USO1: variants seen among roughly 807,000 people sequenced by gnomAD.
USO1 encodes USO1 vesicle transport factor, also known as general vesicular transport factor p115.
Under a neutral mutation model 124.5 loss-of-function variants are expected in USO1, and 57 were observed. The observed-to-expected ratio is 0.46, with a 90% confidence interval of 0.37 to 0.57. The LOEUF (loss-of-function observed/expected upper bound fraction) is 0.57. Among genes scored for constraint, USO1 ranks in the 20% least tolerant of loss-of-function variants. The pLI is 0.00. For synonymous variants in USO1, 369 were observed against 362.8 expected (o/e 1.02, Z -0.19); for missense variants, 900 against 1,040.6 (o/e 0.86, Z 1.86).
intron 7 of USO1, among the ~76,000 whole-genome samples, 199 bp downstream of exon 7, chr4:75,771,336 G>A (rs532615796): frequency 5.3e-5 from 8 of 152,266 alleles, no homozygotes; most frequent in East Asian, 1.9e-4. Context: ...CTGGGCTCAA[G>A]CAATCCTCCT....
At chr4:75,795,338 TGATAA>T in intron 13 of USO1, 1 of 702,470 alleles carries the variant, frequency 1.4e-6, no homozygotes, top group Non-Finnish European at 2.6e-6. Flanking sequence ...ATTTGCAGGG[TGATAA>T]GATCGACAGA....
At chr4:75,729,633 G>A (rs546141890) in intron 1 of USO1, among the ~76,000 whole-genome samples, 47 of 152,176 alleles carry the variant, frequency 3.1e-4, no homozygotes, top group African/African-American at 1.1e-3. Flanking sequence ...GAGCCACTGC[G>A]CCCAGCCCCC....
At chr4:75,734,837 T>C (rs1322702389) in intron 1 of USO1, among the ~76,000 whole-genome samples, 1 of 149,826 alleles carries the variant, frequency 6.7e-6, no homozygotes, top group Non-Finnish European at 1.5e-5. Context: ...CAAGTGATTC[T>C]CCTGCCTCAG....
intron 8 of USO1, 100 bp from the exon 9 acceptor site, chr4:75,782,580 A>C: frequency 2.8e-6 from 4 of 1,420,450 alleles, no homozygotes; most frequent in Non-Finnish European, 2.8e-6. Flanking sequence ...GCCATATTGA[A>C]GAGATGCTGA....
chr4:75,778,374 G>C (rs11097113), intron 8 of USO1, among the ~76,000 whole-genome samples: 80,069 of 152,028 alleles, frequency 0.53, 23,095 homozygotes, highest in East Asian at 0.81. Context: ...ATTAAGTAAA[G>C]TGGATTATCA....
rs563821441 is a variant in USO1, at chr4:75,810,461, C to G, written c.2505C>G (p.Thr835=). The change falls in exon 22 of 24, where the codon ACC becomes ACG. Residue 835 remains threonine (T), a synonymous_variant. Coordinates refer to ENST00000514213, the MANE Select transcript of USO1 (RefSeq NM_003715.4). ...AATCAGTTGAGGTACAAGGAGAGACCGAGACTATAATAGCCACCAAAACTA... is the reference window on the plus strand; with the variant it reads ...AATCAGTTGAGGTACAAGGAGAGACGGAGACTATAATAGCCACCAAAACTA... ...FAKSVEVQGE[T]ETIIATKTTD... 2 of 1,611,710 alleles carry G rather than the reference C, an allele frequency of 1.2e-6. No homozygotes were observed. The highest frequency in any genetic ancestry group is 1.1e-5 in the South Asian group (1 of 90,460).
In USO1 at chr4:75,793,718, GT is replaced by G; in HGVS notation, c.1271del (p.Leu424TyrfsTer72). The G allele has an allele frequency of 6.2e-7, 1 of 1,611,666 alleles. No individual in the cohort carries two copies. The highest frequency in any genetic ancestry group is 8.5e-7 in the Non-Finnish European group (1 of 1,178,614). ...ATGNSVSAGQ[L>X]LCGGLFSTDS... Reference sequence around the variant, plus strand: ...CAGGTAATTCAGTTTCAGCTGGCCAGTTATTATGTGGAGGTTTGTTTTCTAC... The same window carrying G: ...CAGGTAATTCAGTTTCAGCTGGCCAGTATTATGTGGAGGTTTGTTTTCTAC... On this transcript the variant is annotated frameshift_variant, in exon 13 of 24. Coordinates refer to ENST00000514213, the MANE Select transcript of USO1 (RefSeq NM_003715.4). LOFTEE classifies it high-confidence loss of function.
intron 8 of USO1, among the ~76,000 whole-genome samples, chr4:75,775,447 G>A (rs756173717): frequency 2.6e-5 from 4 of 152,120 alleles, no homozygotes; most frequent in Non-Finnish European, 4.4e-5. Flanking sequence ...GCTGAGAAAC[G>A]AGAATCACTT....
At chr4:75,737,662 C>T (rs1409638647) in intron 1 of USO1, among the ~76,000 whole-genome samples, 2 of 152,032 alleles carry the variant, frequency 1.3e-5, no homozygotes, top group East Asian at 3.9e-4. Context: ...TGCCACTGCA[C>T]TCCAGCCTGT....
At chr4:75,752,687 CT>C (rs1221676572) in intron 3 of USO1, 83 bp downstream of exon 3, 89 of 389,444 alleles carry the variant, frequency 2.3e-4, no homozygotes, top group Non-Finnish European at 2.6e-4. Context: ...CAAAAGATTG[CT>C]TTTTTTTTGG....
intron 19 of USO1, 75 bp from the exon 20 acceptor site, chr4:75,806,411 G>A (rs1722997242): frequency 6.7e-7 from 1 of 1,494,110 alleles, no homozygotes; most frequent in Non-Finnish European, 9.0e-7. Context: ...TAGTTTATAT[G>A]TGTACAGTTC....
At position 75,805,158 on chromosome 4, in the gene USO1, A is replaced by G; in HGVS notation, c.2144A>G (p.Gln715Arg). Residue 715 changes from glutamine (Q) to arginine (R), a missense_variant, in exon 19 of 24, where the codon CAA becomes CGA. Coordinates refer to ENST00000514213, the MANE Select transcript of USO1 (RefSeq NM_003715.4). ...CTAACAGGAAAAGACAATCAGCATC[A>G]AGGTTCTTACAGTGAGGGGGCTCAG... is the stretch of plus-strand genomic sequence containing the variant. ...KIQLGKDNQHQGSYSEGAQMN... is the reference protein window; with the variant it reads ...KIQLGKDNQHRGSYSEGAQMN... The G allele has an allele frequency of 6.3e-7, 1 of 1,592,970 alleles. No individual in the cohort carries two copies. Among genetic ancestry groups the G allele is most frequent in the Non-Finnish European group, 8.5e-7 (1 of 1,172,378 alleles).
chr4:75,753,216 C>T (rs1186213716), intron 3 of USO1, among the ~76,000 whole-genome samples: 3 of 151,774 alleles, frequency 2.0e-5, no homozygotes, highest in South Asian at 2.1e-4. Flanking sequence ...CCCAGGAGTT[C>T]GATACTAGCC....
chr4:75,743,660 T>C (rs1486469577), intron 1 of USO1, among the ~76,000 whole-genome samples: 1 of 152,240 alleles, frequency 6.6e-6, no homozygotes, highest in Non-Finnish European at 1.5e-5. Context: ...TCCCAGACTG[T>C]CTGTAGTGAA....
intron 1 of USO1, among the ~76,000 whole-genome samples, chr4:75,732,456 G>T (rs1350185146): frequency 6.6e-6 from 1 of 152,140 alleles, no homozygotes; most frequent in Non-Finnish European, 1.5e-5. Context: ...TGTGAATAGT[G>T]CTCCAGTGAA....
At position 75,782,670 on chromosome 4, in the gene USO1, A is replaced by C; in HGVS notation, c.677-10A>C. On this transcript the variant is annotated splice_polypyrimidine_tract_variant and intron_variant, in intron 8 of 23. Coordinates refer to ENST00000514213, the MANE Select transcript of USO1 (RefSeq NM_003715.4). The stretch of plus-strand genomic sequence containing the variant: ...AGCCTTAACGCTTGTGTTTTACATT[A>C]TTTCCCCAGGTATAGTAGTTGAAGA... 6.5e-7 allele frequency: 1 copy of C among 1,537,618 alleles called. No homozygotes were observed. Among genetic ancestry groups the C allele is most frequent in the South Asian group, 1.2e-5 (1 of 80,560 alleles).
rs115989795 is a variant in USO1 at position 75,740,928 on chromosome 4, A to G, written c.67-11445A>G. Among the ~76,000 whole-genome samples the G allele has an allele frequency of 7.7e-3, 1,180 of 152,258 alleles. 25 individuals carry two copies. The highest frequency in any genetic ancestry group is 0.027 in the African/African-American group (1,130 of 41,544). On this transcript the variant is annotated intron_variant, in intron 1 of 23. Transcript: ENST00000514213. ...ATCCTTCTACAGTGTTGTCTTTTGT[A>G]TTTACCAATATATATATTTACACAA... is the stretch of plus-strand genomic sequence containing the variant.
intron 14 of USO1, 54 bp from the exon 15 acceptor site, chr4:75,800,297 T>C (rs940329445): frequency 1.3e-6 from 2 of 1,521,070 alleles, no homozygotes; most frequent in South Asian, 1.3e-5. Flanking sequence ...CAAATTCAAA[T>C]TGCAAAATGT....
chr4:75,802,722 TTTC>T (rs1239465075), intron 17 of USO1, among the ~76,000 whole-genome samples: 1 of 149,400 alleles, frequency 6.7e-6, no homozygotes. Flanking sequence ...GCTTTCCATT[TTTC>T]TTTTTCTTTT....
Sources: gnomAD v4.1 joint callset for allele counts (sites outside exome capture counted in the v4.1 genomes callset) on GRCh38, gnomAD v4.1.1 for gene constraint, MANE v1.5 for transcripts, NCBI Gene and HGNC (gene_info 2026-07-23, HGNC 2026-07-21) for gene names.